MCPH1: variants seen among roughly 807,000 people sequenced by gnomAD.
The protein encoded by MCPH1 is microcephalin.
In MCPH1, 104 loss-of-function variants were observed where a neutral mutation model predicts 84.5. That is an observed-to-expected ratio of 1.23 (90% CI 1.05 to 1.45). The LOEUF (loss-of-function observed/expected upper bound fraction) is 1.45, where lower values mean the gene tolerates loss of function less well. Among genes scored for constraint, MCPH1 ranks in the 40% most tolerant of loss-of-function variants. MCPH1 has a pLI of 0.00. For missense variants in MCPH1, 1,498 were observed against 1,005.7 expected (o/e 1.49, Z -6.62); for synonymous variants, 514 against 366.8 (o/e 1.40, Z -4.58).
At chr8:6,610,562 A>T (rs1270338581) in intron 12 of MCPH1, among the ~76,000 whole-genome samples, 1 of 152,212 alleles carries the variant, frequency 6.6e-6, no homozygotes, top group Non-Finnish European at 1.5e-5. Context: ...GCCCAGGGAA[A>T]GGAAAAAGAA....
intron 9 of MCPH1, among the ~76,000 whole-genome samples, chr8:6,457,679 C>T (rs1420540295): frequency 6.6e-6 from 1 of 152,160 alleles, no homozygotes; most frequent in African/African-American, 2.4e-5. Flanking sequence ...GACCCCAGTG[C>T]GGCACCCCGT....
intron 11 of MCPH1, among the ~76,000 whole-genome samples, chr8:6,487,735 C>T (rs148220768): frequency 1.6e-3 from 239 of 152,300 alleles, no homozygotes; most frequent in African/African-American, 5.5e-3. Flanking sequence ...TGAACTTTCA[C>T]GGCTTGATTT....
At chr8:6,428,166 T>C (rs1357923210) in intron 3 of MCPH1, among the ~76,000 whole-genome samples, 1 of 152,202 alleles carries the variant, frequency 6.6e-6, no homozygotes, top group Non-Finnish European at 1.5e-5. Flanking sequence ...TTTACTCTTT[T>C]GTAATGCCTT....
chr8:6,543,600 C>G (rs1196317896), intron 12 of MCPH1, among the ~76,000 whole-genome samples: 3 of 152,106 alleles, frequency 2.0e-5, no homozygotes. Context: ...GAAATGTGTT[C>G]TTTCCTCTTT....
chr8:6,506,489 C>A (rs1300219684), intron 12 of MCPH1, among the ~76,000 whole-genome samples: 1 of 152,154 alleles, frequency 6.6e-6, no homozygotes, highest in African/African-American at 2.4e-5. Context: ...CTGAGAAGCT[C>A]AGCACATACG....
Position 6,553,095 on chromosome 8 carries a change from C to T in MCPH1, c.2214+53166C>T, listed in dbSNP as rs80004066. ...TACAGCACCAGATGTCAACTGCGGG[C>T]TCTGGGTGATAATGATGGGTCAATG... On this transcript the variant is annotated intron_variant, in intron 12 of 13. Coordinates refer to ENST00000344683, the MANE Select transcript of MCPH1 (RefSeq NM_024596.5). Among the ~76,000 whole-genome samples, 34 of 152,194 alleles carry T rather than the reference C, an allele frequency of 2.2e-4. No individual in the cohort carries two copies. The East Asian group carries it at 6.4e-3, about 29-fold the overall frequency.
intron 8 of MCPH1, among the ~76,000 whole-genome samples, chr8:6,448,060 T>C (rs1804653587): frequency 6.6e-6 from 1 of 152,144 alleles, no homozygotes; most frequent in African/African-American, 2.4e-5. Context: ...CAGGTGCTCT[T>C]CAAGTTTGTG....
rs141137144 is a variant in MCPH1 at position 6,528,817 on chromosome 8, C to T, written c.2214+28888C>T. Among the ~76,000 whole-genome samples, 324 of 152,308 alleles carry T rather than the reference C, an allele frequency of 2.1e-3. 2 individuals are homozygous for T. The highest frequency in any genetic ancestry group is 7.2e-3 in the African/African-American group (298 of 41,576). On this transcript the variant is annotated intron_variant, in intron 12 of 13. Transcript: ENST00000344683. ...GTGTCTTTATGTCATTTGCAGGAGC[C>T]TTGGCTGGTCCACAGCGTGGGTTTC...
At chr8:6,542,160 T>A (rs1348302630) in intron 12 of MCPH1, among the ~76,000 whole-genome samples, 1 of 152,230 alleles carries the variant, frequency 6.6e-6, no homozygotes, top group African/African-American at 2.4e-5. Flanking sequence ...TTTCTGAATT[T>A]AAGGCACACT....
intron 12 of MCPH1, among the ~76,000 whole-genome samples, chr8:6,600,731 G>A (rs1489288655): frequency 1.3e-5 from 2 of 152,232 alleles, no homozygotes; most frequent in Admixed American, 1.3e-4. Flanking sequence ...TTGGACCTCT[G>A]TGAGGGTTGT....
At chr8:6,603,911 A>T (rs987691546) in intron 12 of MCPH1, among the ~76,000 whole-genome samples, 2 of 152,226 alleles carry the variant, frequency 1.3e-5, no homozygotes, top group Non-Finnish European at 2.9e-5. Flanking sequence ...TTGATTTGCA[A>T]GTCAGTTTCA....
At chr8:6,446,926 G>A in intron 8 of MCPH1, 1 of 985,368 alleles carries the variant, frequency 1.0e-6, no homozygotes, top group Non-Finnish European at 1.2e-6. Flanking sequence ...AGAAGGGGGT[G>A]AGGGGCCAGC....
intron 2 of MCPH1, among the ~76,000 whole-genome samples, chr8:6,411,333 G>T (rs1303080520): frequency 1.3e-5 from 2 of 152,184 alleles, no homozygotes; most frequent in East Asian, 3.8e-4. Flanking sequence ...GCATTTAGTA[G>T]TATGACTTGC....
intron 12 of MCPH1, among the ~76,000 whole-genome samples, chr8:6,561,612 T>C (rs1014010453): frequency 1.3e-5 from 2 of 152,256 alleles, no homozygotes; most frequent in Admixed American, 1.3e-4. Context: ...TAGCTTTAGA[T>C]AATCACATTC....
At position 6,621,481 on chromosome 8, in the gene MCPH1, G is replaced by A. The variant is rs1308019901; in HGVS notation, c.2242G>A (p.Ala748Thr). Residue 748 changes from alanine (A) to threonine (T), a missense_variant, in exon 13 of 14, where the codon GCA becomes ACA. Coordinates refer to ENST00000344683, the MANE Select transcript of MCPH1 (RefSeq NM_024596.5). The stretch of plus-strand genomic sequence containing the variant: ...GTGCCGAAGCGAGTGCCACTTGTCT[G>A]CAGGGCCGTACCGCGGAACCCTCTT... The part of the protein sequence containing the change: ...PLCRSECHLS[A>T]GPYRGTLFAD... 1.9e-6 allele frequency: 3 copies of A among 1,613,912 alleles called. No homozygotes were observed. Among genetic ancestry groups the A allele is most frequent in the African/African-American group, 2.7e-5 (2 of 74,922 alleles).
intron 12 of MCPH1, among the ~76,000 whole-genome samples, chr8:6,595,047 G>A (rs1171143593): frequency 6.6e-6 from 1 of 152,188 alleles, no homozygotes; most frequent in Admixed American, 6.5e-5. Flanking sequence ...GGCAACTTGA[G>A]GTTGAGTCTG....
rs1306109969 is a variant in MCPH1 at position 6,436,155 on chromosome 8, A to G, written c.429A>G (p.Thr143=). The G allele has an allele frequency of 6.2e-7, 1 of 1,613,138 alleles. No homozygotes were observed. The highest frequency in any genetic ancestry group is 1.1e-5 in the South Asian group (1 of 90,960). The change falls in exon 5 of 14, where the codon ACA becomes ACG. Residue 143 remains threonine (T), a synonymous_variant. Coordinates refer to ENST00000344683, the MANE Select transcript of MCPH1 (RefSeq NM_024596.5). ...CTAAAGAGCTACAAAGGCAAAAAACAAATCTAGGTAAGCTAAGAAATATAA... is the reference window on the plus strand; with the variant it reads ...CTAAAGAGCTACAAAGGCAAAAAACGAATCTAGGTAAGCTAAGAAATATAA... The part of the protein sequence containing the change: ...KMAKELQRQK[T]NLDDDVPILL...
chr8:6,590,680 G>T (rs1828387998), intron 12 of MCPH1, among the ~76,000 whole-genome samples: 1 of 152,184 alleles, frequency 6.6e-6, no homozygotes, highest in Non-Finnish European at 1.5e-5. Context: ...TAAGTTTTTG[G>T]AAATAAGCCT....
intron 8 of MCPH1, chr8:6,447,173 A>G (rs1129703): frequency 0.8 from 787,194 of 985,110 alleles, 321,278 homozygotes; most frequent in Non-Finnish European, 0.83. Context: ...GAACCCTTTT[A>G]TAGTAATAAA....
Sources: allele counts gnomAD v4.1 joint callset (sites outside exome capture counted in the v4.1 genomes callset), GRCh38; gene constraint gnomAD v4.1.1; transcripts MANE v1.5; gene names NCBI Gene and HGNC (gene_info 2026-07-23, HGNC 2026-07-21).